CNTN4: variants seen among roughly 807,000 people sequenced by gnomAD.
CNTN4 encodes the protein contactin-4.
CNTN4 carries 77 observed loss-of-function variants against 122.5 expected under a neutral mutation model. The ratio of observed to expected loss-of-function variants is 0.63; its 90% confidence interval spans 0.52 to 0.76. The LOEUF is 0.76. Among genes scored for constraint, CNTN4 ranks in the 30% least tolerant of loss-of-function variants. The pLI, the probability that CNTN4 is intolerant of heterozygous loss-of-function variation, is 0.00. For missense variants in CNTN4, 1,256 were observed against 1,259.1 expected (o/e 1.00, Z 0.04); for synonymous variants, 512 against 447.0 (o/e 1.15, Z -1.83).
intron 2 of CNTN4, among the ~76,000 whole-genome samples, chr3:2,337,113 C>T (rs536327450): frequency 6.6e-6 from 1 of 152,210 alleles, no homozygotes; most frequent in South Asian, 2.1e-4. Flanking sequence ...TATATTCCCC[C>T]TCACTCTTCT....
At chr3:2,894,295 T>TA (rs2094080673) in intron 10 of CNTN4, among the ~76,000 whole-genome samples, 1 of 152,170 alleles carries the variant, frequency 6.6e-6, no homozygotes, top group African/African-American at 2.4e-5. Flanking sequence ...CCTGGGGACC[T>TA]ACAATGGTTC....
intron 4 of CNTN4, among the ~76,000 whole-genome samples, chr3:2,729,543 C>CAAAAAAA: frequency 1.4e-5 from 1 of 70,046 alleles, no homozygotes; most frequent in Non-Finnish European, 2.5e-5. Flanking sequence ...GACTCCATCT[C>CAAAAAAA]AAAAAAAAAA....
At chr3:2,103,328 A>C (rs1209580610) in intron 2 of CNTN4, among the ~76,000 whole-genome samples, 4 of 152,222 alleles carry the variant, frequency 2.6e-5, no homozygotes, top group Admixed American at 1.3e-4. Flanking sequence ...AACATACTGG[A>C]ATGGAATTAG....
At position 2,213,609 on chromosome 3, in the gene CNTN4, G is replaced by A. The variant is rs563855429; in HGVS notation, c.-145+112970G>A. Among the ~76,000 whole-genome samples, 3 of 152,290 alleles carry A rather than the reference G, an allele frequency of 2.0e-5. No homozygotes were observed. The South Asian group carries it at 6.2e-4, about 32-fold the overall frequency. On this transcript the variant is annotated intron_variant, in intron 2 of 24. Coordinates refer to ENST00000418658, the MANE Select transcript of CNTN4 (RefSeq NM_175607.3). ...GTCTCAAATGTAGCATATGCAGAGT[G>A]CAGGGTAAGGGTTTCTCTTGCCAAC...
chr3:2,866,893 C>A lies in CNTN4; in HGVS notation c.596C>A (p.Thr199Asn). 6.2e-7 allele frequency: 1 copy of A among 1,613,910 alleles called. No individual in the cohort carries two copies. Among genetic ancestry groups the A allele is most frequent in the Non-Finnish European group, 8.5e-7 (1 of 1,179,882 alleles). Residue 199 changes from threonine to asparagine, a missense_variant, in exon 8 of 25, where the codon ACC becomes AAC. Thr to Asn is a moderately conservative substitution (Grantham distance 65). Coordinates refer to ENST00000418658, the MANE Select transcript of CNTN4 (RefSeq NM_175607.3). ...AATTATACCTGTGTGGTTACCAATACCGTGACAAACCACAAGGTCCTGGGG... is the reference window on the plus strand; with the variant it reads ...AATTATACCTGTGTGGTTACCAATAACGTGACAAACCACAAGGTCCTGGGG... ...VGNYTCVVTN[T>N]VTNHKVLGPP...
At chr3:2,865,900 A>G (rs1476342393) in intron 7 of CNTN4, among the ~76,000 whole-genome samples, 1 of 152,256 alleles carries the variant, frequency 6.6e-6, no homozygotes, top group Non-Finnish European at 1.5e-5. Flanking sequence ...TATGAAATTC[A>G]TCCCACTGGT....
At chr3:2,757,315 T>C (rs931971460) in intron 6 of CNTN4, among the ~76,000 whole-genome samples, 6 of 152,166 alleles carry the variant, frequency 3.9e-5, no homozygotes, top group East Asian at 1.9e-4. Context: ...ATAGGCAGAA[T>C]TGGCCCTTTC....
intron 2 of CNTN4, among the ~76,000 whole-genome samples, chr3:2,165,822 A>C (rs2036170954): frequency 6.6e-6 from 1 of 152,150 alleles, no homozygotes; most frequent in Admixed American, 6.5e-5. Context: ...CACTTTGCAT[A>C]ATAATGTCCT....
intron 3 of CNTN4, among the ~76,000 whole-genome samples, chr3:2,370,265 T>C (rs1018660277): frequency 6.6e-5 from 10 of 152,296 alleles, no homozygotes; most frequent in Non-Finnish European, 1.2e-4. Flanking sequence ...AGCCCAGTGT[T>C]AGCTATTCTG....
chr3:3,037,449 T>A, intron 18 of CNTN4, 121 bp downstream of exon 18: 1 of 1,315,506 alleles, frequency 7.6e-7, no homozygotes, highest in Non-Finnish European at 1.1e-6. Context: ...CCCTTCCCTT[T>A]AAATGTTTAT....
chr3:2,390,921 A>T (rs1390695022), intron 3 of CNTN4, among the ~76,000 whole-genome samples: 1 of 152,196 alleles, frequency 6.6e-6, no homozygotes, highest in African/African-American at 2.4e-5. Context: ...CTTCTTTCAG[A>T]AAATATTTTG....
intron 10 of CNTN4, among the ~76,000 whole-genome samples, chr3:2,895,860 C>G (rs2094106215): frequency 1.3e-5 from 2 of 152,108 alleles, no homozygotes; most frequent in Admixed American, 6.5e-5. Flanking sequence ...GGGTGAAACC[C>G]CGTCTCTACT....
intron 13 of CNTN4, among the ~76,000 whole-genome samples, chr3:2,953,466 T>G (rs1334358163): frequency 6.6e-5 from 10 of 151,956 alleles, no homozygotes; most frequent in Non-Finnish European, 4.4e-5. Context: ...AGGCCACTTC[T>G]TCTCCATTTG....
At chr3:2,206,959 C>T (rs957248830) in intron 2 of CNTN4, among the ~76,000 whole-genome samples, 5 of 151,666 alleles carry the variant, frequency 3.3e-5, no homozygotes, top group African/African-American at 1.2e-4. Context: ...TTTCCAACAG[C>T]ATATGCTCAC....
intron 3 of CNTN4, among the ~76,000 whole-genome samples, chr3:2,424,563 TC>T (rs2151138136): frequency 6.6e-6 from 1 of 152,280 alleles, no homozygotes; most frequent in East Asian, 1.9e-4. Flanking sequence ...TGATTTATAA[TC>T]CTTTGGGTAT....
chr3:2,601,675 C>A (rs1366806667), intron 4 of CNTN4, among the ~76,000 whole-genome samples: 14 of 152,074 alleles, frequency 9.2e-5, no homozygotes, highest in African/African-American at 3.4e-4. Context: ...CTTAGGATTG[C>A]CTTGGCAATG....
intron 7 of CNTN4, among the ~76,000 whole-genome samples, chr3:2,852,340 T>C (rs1323496689): frequency 6.6e-6 from 1 of 152,176 alleles, no homozygotes; most frequent in Admixed American, 6.5e-5. Flanking sequence ...TAAAATACTG[T>C]CTATGATAAG....
At chr3:2,138,269 T>C (rs867056963) in intron 2 of CNTN4, among the ~76,000 whole-genome samples, 2 of 152,070 alleles carry the variant, frequency 1.3e-5, no homozygotes, top group African/African-American at 4.8e-5. Context: ...GGTTTCACCA[T>C]GTTGGCCAGG....
At chr3:2,272,321 A>G (rs747598988) in intron 2 of CNTN4, among the ~76,000 whole-genome samples, 1 of 152,114 alleles carries the variant, frequency 6.6e-6, no homozygotes, top group Non-Finnish European at 1.5e-5. Context: ...CCACATATTT[A>G]TTTATGAATT....
Sources: gnomAD v4.1 joint callset for allele counts (sites outside exome capture counted in the v4.1 genomes callset) on GRCh38, gnomAD v4.1.1 for gene constraint, MANE v1.5 for transcripts, NCBI Gene and HGNC (gene_info 2026-07-23, HGNC 2026-07-21) for gene names.